Variants in SCAPER observed in about 807,000 individuals in gnomAD.
The protein encoded by SCAPER is S phase cyclin A-associated protein in the endoplasmic reticulum.
SCAPER carries 98 observed loss-of-function variants against 182.2 expected under a neutral mutation model. The ratio of observed to expected loss-of-function variants is 0.54; its 90% CI spans 0.46 to 0.64. The LOEUF is 0.64. SCAPER is among the 30% of genes least tolerant of loss of function. SCAPER has a pLI of 0.00. For synonymous variants in SCAPER, 605 were observed against 564.6 expected, an observed-to-expected ratio of 1.07 and a Z score of -1.01; for missense variants, 1,432 against 1,690.0, an observed-to-expected ratio of 0.85 and a Z score of 2.68.
chr15:76,629,338 G>A (rs1022526675), intron 21 of SCAPER, among the ~76,000 whole-genome samples: 1 of 152,194 alleles, frequency 6.6e-6, no homozygotes, highest in Non-Finnish European at 1.5e-5. Flanking sequence ...TCTTGGGCCA[G>A]TTTTTGAGGG....
intron 15 of SCAPER, chr15:76,736,975 C>G (rs1288119350): frequency 6.6e-6 from 1 of 152,346 alleles, no homozygotes; most frequent in Non-Finnish European, 1.5e-5. Flanking sequence ...CTGTTTTCAC[C>G]ACATTTGCAG....
intron 5 of SCAPER, among the ~76,000 whole-genome samples, chr15:76,826,234 A>G (rs1490576215): frequency 6.6e-6 from 1 of 152,056 alleles, no homozygotes; most frequent in Non-Finnish European, 1.5e-5. Flanking sequence ...ATGCAGTCAT[A>G]AAAAATGATG....
At chr15:76,813,861 T>A (rs1485788909) in intron 5 of SCAPER, among the ~76,000 whole-genome samples, 1 of 152,066 alleles carries the variant, frequency 6.6e-6, no homozygotes, top group Non-Finnish European at 1.5e-5. Context: ...GTTGTAAAAA[T>A]TAATACTGTT....
intron 22 of SCAPER, among the ~76,000 whole-genome samples, chr15:76,582,188 T>C (rs1291989489): frequency 3.3e-5 from 5 of 152,222 alleles, no homozygotes; most frequent in African/African-American, 9.6e-5. Context: ...GCAGATGATA[T>C]GATCTCATGT....
chr15:76,402,916 A>G (rs2044563559), intron 27 of SCAPER, among the ~76,000 whole-genome samples: 1 of 152,082 alleles, frequency 6.6e-6, no homozygotes, highest in Non-Finnish European at 1.5e-5. Flanking sequence ...TTTCTTTTAA[A>G]TTCCATAGAT....
intron 28 of SCAPER, among the ~76,000 whole-genome samples, chr15:76,376,972 G>C (rs977372794): frequency 6.6e-6 from 1 of 152,224 alleles, no homozygotes; most frequent in African/African-American, 2.4e-5. Flanking sequence ...GTCTGAGTCT[G>C]TCTGTGCAGC....
At chr15:76,667,116 A>C (rs2056630528) in intron 20 of SCAPER, among the ~76,000 whole-genome samples, 1 of 152,176 alleles carries the variant, frequency 6.6e-6, no homozygotes, top group African/African-American at 2.4e-5. Context: ...ATTCGCTCCC[A>C]AACTCATTTT....
chr15:76,779,232 G>A (rs140188798), intron 8 of SCAPER, among the ~76,000 whole-genome samples: 99 of 151,866 alleles, frequency 6.5e-4, no homozygotes, highest in African/African-American at 2.2e-3. Context: ...TCCAACAACA[G>A]TGAAAAAAAA....
At chr15:76,376,733 G>GTT (rs1567021218) in intron 28 of SCAPER, among the ~76,000 whole-genome samples, 5 of 151,704 alleles carry the variant, frequency 3.3e-5, no homozygotes, top group Admixed American at 1.3e-4. Flanking sequence ...ATATTTTCTT[G>GTT]TACACAGAGT....
chr15:76,501,633 G>T (rs1240154799), intron 24 of SCAPER, among the ~76,000 whole-genome samples: 5 of 152,162 alleles, frequency 3.3e-5, no homozygotes, highest in Non-Finnish European at 1.5e-5. Flanking sequence ...TTATCACTGA[G>T]AAAAATTAAA....
intron 2 of SCAPER, among the ~76,000 whole-genome samples, chr15:76,870,444 A>T (rs748698350): frequency 3.9e-5 from 6 of 152,108 alleles, no homozygotes; most frequent in Non-Finnish European, 7.4e-5. Context: ...AAAAAATATA[A>T]AAAAAGGGAA....
In SCAPER at chr15:76,534,486, G is replaced by T. The variant is rs1242400873; in HGVS notation, c.2839-29512C>A. Among the ~76,000 whole-genome samples, 11 of 152,158 alleles carry T rather than the reference G, an allele frequency of 7.2e-5. 1 individual carries two copies. The highest frequency in any genetic ancestry group is 7.2e-4 in the Admixed American group (11 of 15,272). On this transcript the variant is annotated intron_variant, in intron 23 of 31. Transcript: ENST00000563290. Reference sequence around the variant, plus strand: ...AGGATTAGAAGCCAGTAGAAAAAGGGTAACATTTTCTCTCTAAAGGACAGT... The same window carrying T: ...AGGATTAGAAGCCAGTAGAAAAAGGTTAACATTTTCTCTCTAAAGGACAGT...
chr15:76,791,501 T>A (rs992841260), intron 8 of SCAPER, among the ~76,000 whole-genome samples: 3 of 152,060 alleles, frequency 2.0e-5, no homozygotes, highest in African/African-American at 7.2e-5. Context: ...GAAACCAGCA[T>A]TCCCAGCCAA....
intron 5 of SCAPER, among the ~76,000 whole-genome samples, chr15:76,810,943 A>G (rs886773690): frequency 6.6e-6 from 1 of 152,112 alleles, no homozygotes; most frequent in Non-Finnish European, 1.5e-5. Flanking sequence ...GAAGGTCCTT[A>G]CGTAACAATA....
At chr15:76,621,876 T>C (rs374683099) in intron 21 of SCAPER, 47 bp from the exon 22 acceptor site, 4 of 1,320,402 alleles carry the variant, frequency 3.0e-6, no homozygotes, top group Non-Finnish European at 4.3e-6. Context: ...TGCTAATTTT[T>C]ATAATAAACC....
chr15:76,864,925 C>T (rs1330847328), intron 2 of SCAPER, among the ~76,000 whole-genome samples: 1 of 152,118 alleles, frequency 6.6e-6, no homozygotes, highest in African/African-American at 2.4e-5. Flanking sequence ...TACCCTCACA[C>T]ATTTTTTTCC....
intron 24 of SCAPER, among the ~76,000 whole-genome samples, chr15:76,500,392 T>C (rs1046740434): frequency 2.6e-5 from 4 of 152,194 alleles, no homozygotes; most frequent in African/African-American, 9.7e-5. Flanking sequence ...TTATGAATCT[T>C]AAGTAAGTAA....
intron 25 of SCAPER, among the ~76,000 whole-genome samples, chr15:76,466,628 A>C (rs993484326): frequency 1.3e-5 from 2 of 150,852 alleles, no homozygotes; most frequent in Non-Finnish European, 3.0e-5. Flanking sequence ...TGTTTCTTCT[A>C]CGTCTCGAAA....
chr15:76,503,113 T>C (rs2041286585), intron 24 of SCAPER, among the ~76,000 whole-genome samples: 1 of 152,186 alleles, frequency 6.6e-6, no homozygotes, highest in Admixed American at 6.5e-5. Context: ...CAGGTGAATT[T>C]AAGATGAACA....
Sources: allele counts gnomAD v4.1 joint callset (sites outside exome capture counted in the v4.1 genomes callset), GRCh38; gene constraint gnomAD v4.1.1; transcripts MANE v1.5; gene names NCBI Gene and HGNC (gene_info 2026-07-23, HGNC 2026-07-21).